The following SLITRK3 variants were observed in gnomAD, a reference collection of about 807,000 sequenced individuals.
The protein encoded by SLITRK3 is SLIT and NTRK-like protein 3.
Under a neutral mutation model 63.6 loss-of-function variants are expected in SLITRK3, and 16 were observed. That is an observed-to-expected ratio of 0.25 (90% confidence interval 0.17 to 0.38). The LOEUF (loss-of-function observed/expected upper bound fraction) is 0.38. Ranked by LOEUF, SLITRK3 falls within the 10% of genes least tolerant of loss-of-function variation. The pLI, the probability that SLITRK3 is intolerant of heterozygous loss-of-function variation, is 1.00. For missense variants in SLITRK3, 1,117 were observed against 1,181.4 expected (o/e 0.95, Z 0.80); for synonymous variants, 547 against 451.6 (o/e 1.21, Z -2.68).
At position 165,196,191 on chromosome 3, in the gene SLITRK3, G is replaced by A. The variant is rs1346925793; in HGVS notation, c.-633C>T. 1.3e-5 allele frequency among the ~76,000 whole-genome samples: 2 copies of A among 151,600 alleles called. No individual in the cohort carries two copies. The highest frequency in any genetic ancestry group is 2.4e-5 in the African/African-American group (1 of 41,244). On this transcript the variant is annotated 5_prime_UTR_variant, in exon 1 of 2. Coordinates refer to ENST00000475390, the MANE Select transcript of SLITRK3 (RefSeq NM_001318810.2). ...AGAAAAGGGTGGGGAGAGGCGGAAAGGAGGCAGGAAGGGGGCGACTAGATC... is the reference window on the plus strand; with the variant it reads ...AGAAAAGGGTGGGGAGAGGCGGAAAAGAGGCAGGAAGGGGGCGACTAGATC...
chr3:165,190,574 C>T lies in SLITRK3; in HGVS notation c.257G>A (p.Arg86Lys), dbSNP rs765379879. ...WSRPFKLYLQ[R>K]NSMRKLYTNS... is the part of the protein sequence containing the mutation. ...GGTATATAATTTCCTCATAGAATTC[C>T]TCTGCAGATACAGTTTAAAAGGTCT... is the stretch of plus-strand genomic sequence containing the variant. Residue 86 changes from arginine to lysine, a missense_variant, in exon 2 of 2, where the codon AGG becomes AAG. Around this residue, in one of 4 missense-constraint regions of SLITRK3, gnomAD observed 452 missense variants for 495.3 expected, o/e 0.91. Coordinates refer to ENST00000475390, the MANE Select transcript of SLITRK3 (RefSeq NM_001318810.2). 9.3e-6 allele frequency: 15 copies of T among 1,613,774 alleles called. No individual in the cohort carries two copies. The highest frequency in any genetic ancestry group is 3.3e-5 in the Admixed American group (2 of 59,992).
upstream of SLITRK3, chr3:165,196,649 CGCAGG>C (rs1718429079): frequency 6.6e-6 from 1 of 152,312 alleles, no homozygotes; most frequent in South Asian, 2.1e-4. Flanking sequence ...ATATAGGAAA[CGCAGG>C]GCTGGAACCT....
rs1414317249 is a variant in SLITRK3 at position 165,189,103 on chromosome 3, C to T, written c.1728G>A (p.Trp576Ter). 1 of 1,614,050 alleles carries T rather than the reference C, an allele frequency of 6.2e-7. No individual in the cohort carries two copies. The highest frequency in any genetic ancestry group is 1.3e-5 in the African/African-American group (1 of 74,918). ...CTCDLVPFKQWIETISSVSVV... is the reference protein window; with the variant it reads ...CTCDLVPFKQ ...CACTGACTGAGCTGATGGTTTCGAT[C>T]CACTGTTTAAAGGGGACCAGGTCAC... Residue 576 changes from tryptophan (W) to a stop codon, truncating the protein, a stop_gained, in exon 2 of 2, where the codon TGG becomes TGA. Coordinates refer to ENST00000475390, the MANE Select transcript of SLITRK3 (RefSeq NM_001318810.2). LOFTEE classifies it high-confidence loss of function. The surrounding 1 kb of genome is among the most constrained non-coding windows in gnomAD (Gnocchi z 4.0).
In SLITRK3 at chr3:165,196,243, G is replaced by A. The variant is rs749662402; in HGVS notation, c.-685C>T. On this transcript the variant is annotated 5_prime_UTR_variant, in exon 1 of 2. Coordinates refer to ENST00000475390, the MANE Select transcript of SLITRK3 (RefSeq NM_001318810.2). ...CAGATCCCAGCATTGGTCAGACGGC[G>A]AAGGTGGGGGGAAAGAAGGAGAGGG... 6.7e-6 allele frequency among the ~76,000 whole-genome samples: 1 copy of A among 148,598 alleles called. No homozygotes were observed. The highest frequency in any genetic ancestry group is 1.5e-5 in the Non-Finnish European group (1 of 67,180).
rs766649667 is a variant in SLITRK3 at position 165,188,874 on chromosome 3, G to C, written c.1957C>G (p.Leu653Val). ...AGCAGGCTGAGAATTAACACAGAAA[G>C]TGGCACAGGGCCCCCAGGAGGAGAA... ...EFSPPGGPVPLSVLILSLLVL... is the reference protein window; with the variant it reads ...EFSPPGGPVPVSVLILSLLVL... The change falls in exon 2 of 2, where the codon CTT becomes GTT. Residue 653 changes from leucine to valine, a missense_variant. Leu to Val is a conservative substitution (Grantham distance 32). Coordinates refer to ENST00000475390, the MANE Select transcript of SLITRK3 (RefSeq NM_001318810.2). 1 of 1,614,150 alleles carries C rather than the reference G, an allele frequency of 6.2e-7. No homozygotes were observed.
At position 165,193,866 on chromosome 3, in the gene SLITRK3, G is replaced by T. The variant is rs1018390836; in HGVS notation, c.-22+1714C>A. Among the ~76,000 whole-genome samples the T allele has an allele frequency of 2.6e-5, 4 of 152,224 alleles. 1 individual carries two copies. Among genetic ancestry groups the T allele is most frequent in the East Asian group, 3.9e-4 (2 of 5,174 alleles). ...TATTTCTCCGTGAAATTTTCGGGGA[G>T]TGAATCCTAGGGAGTAGTGGGAGTG... is the stretch of plus-strand genomic sequence containing the variant. On this transcript the variant is annotated intron_variant, in intron 1 of 1. Transcript: ENST00000475390.
Position 165,188,173 on chromosome 3 carries a change from A to G in SLITRK3, c.2658T>C (p.Asp886=). ...AGGGGGCAGGCTGTGGCCTCTCTCGATCTAGTAGCATACTGCCACTACCAC... is the reference window on the plus strand; with the variant it reads ...AGGGGGCAGGCTGTGGCCTCTCTCGGTCTAGTAGCATACTGCCACTACCAC... ...GGCGSGSMLL[D]RERPQPAPCT... Residue 886 remains aspartate, a synonymous_variant, in exon 2 of 2, where the codon GAT becomes GAC. Transcript: ENST00000475390. 1 of 1,613,632 alleles carries G rather than the reference A, an allele frequency of 6.2e-7. No individual in the cohort carries two copies. The highest frequency in any genetic ancestry group is 1.3e-5 in the African/African-American group (1 of 74,832).
At chr3:165,194,625 C>T (rs1016746489) in intron 1 of SLITRK3, among the ~76,000 whole-genome samples, 3 of 152,130 alleles carry the variant, frequency 2.0e-5, no homozygotes, top group African/African-American at 7.2e-5. Context: ...CCCTCCCCCC[C>T]ATCCCCCGCC....
intron 1 of SLITRK3, among the ~76,000 whole-genome samples, chr3:165,191,092 C>T (rs891918721): frequency 8.5e-5 from 13 of 152,148 alleles, no homozygotes; most frequent in African/African-American, 1.4e-4. Context: ...ACTTGGTAAA[C>T]GGCATATTGC....
At position 165,195,674 on chromosome 3, in the gene SLITRK3, A is replaced by G. The variant is rs546258348; in HGVS notation, c.-116T>C. The stretch of plus-strand genomic sequence containing the variant: ...TCTGCGAAGCTGAATTGTATCCATC[A>G]TACTGTAGCCTTGTAGCTTCTCCTC... On this transcript the variant is annotated 5_prime_UTR_variant, in exon 1 of 2. The change abolishes an upstream ATG in the 5' untranslated region. Transcript: ENST00000475390. 55 of 152,840 alleles carry G rather than the reference A, an allele frequency of 3.6e-4. No individual in the cohort carries two copies. Among genetic ancestry groups the G allele is most frequent in the African/African-American group, 1.3e-3 (52 of 41,578 alleles). The allele number at this position is 152,840 out of a possible 1,614,324, so 9.5% of individuals were successfully genotyped here.
At chr3:165,191,445 T>G (rs1369044515) in intron 1 of SLITRK3, among the ~76,000 whole-genome samples, 1 of 152,246 alleles carries the variant, frequency 6.6e-6, no homozygotes, top group Non-Finnish European at 1.5e-5. Context: ...ACTTAAGATT[T>G]ATTTTTATGA....
Position 165,189,487 on chromosome 3 carries a change from T to G in SLITRK3, c.1344A>C (p.Gln448His), listed in dbSNP as rs1399952921. The G allele has an allele frequency of 2.5e-6, 4 of 1,613,726 alleles. No individual in the cohort carries two copies. The highest frequency in any genetic ancestry group is 1.3e-5 in the African/African-American group (1 of 75,056). The part of the protein sequence containing the change: ...HLGNNRISYV[Q>H]DGAFINLPNL... Reference sequence around the variant, plus strand: ...TGGGCAAGTTGATAAAGGCCCCATCTTGGACATAGGAAATACGATTGTTCC... The same window carrying G: ...TGGGCAAGTTGATAAAGGCCCCATCGTGGACATAGGAAATACGATTGTTCC... Residue 448 changes from glutamine to histidine, a missense_variant, in exon 2 of 2, where the codon CAA becomes CAC. This residue lies in a region of SLITRK3 where 158 missense variants were observed against 197.2 expected (regional missense o/e 0.80). Coordinates refer to ENST00000475390, the MANE Select transcript of SLITRK3 (RefSeq NM_001318810.2). This position sits in a 1 kb window ranked among gnomAD's most constrained non-coding sequence, Gnocchi z 4.0.
rs760888163 is a variant in SLITRK3 at position 165,195,716 on chromosome 3, T to G, written c.-158A>C. 6.5e-6 allele frequency: 1 copy of G among 152,782 alleles called. No homozygotes were observed. Among genetic ancestry groups the G allele is most frequent in the Non-Finnish European group, 1.5e-5 (1 of 68,154 alleles). 9.5% of individuals were successfully genotyped at this position (152,782 alleles called of 1,614,324 possible). A position where few individuals can be genotyped will look rare whatever the true frequency, so the allele number is the denominator to read the frequency against. On this transcript the variant is annotated 5_prime_UTR_variant, in exon 1 of 2. Transcript: ENST00000475390. The stretch of plus-strand genomic sequence containing the variant: ...CTTCTCCTCTTCTGGCCACCAACTT[T>G]CCGAAAGGCTACCGAATCACGCTTG...
At position 165,190,546 on chromosome 3, in the gene SLITRK3, G is replaced by A. The variant is rs771554046; in HGVS notation, c.285C>T (p.Asn95=). Residue 95 remains asparagine, a synonymous_variant, in exon 2 of 2, where the codon AAC becomes AAT. Transcript: ENST00000475390. ...CAGCATTATTCAAATGAAGAAAACT[G>A]TTGGTATATAATTTCCTCATAGAAT... The part of the protein sequence containing the change: ...QRNSMRKLYT[N]SFLHLNNAVS... The A allele has an allele frequency of 1.9e-6, 3 of 1,613,842 alleles. No individual in the cohort carries two copies. The South Asian group carries it at 3.3e-5, about 18-fold the overall frequency.
At position 165,189,448 on chromosome 3, in the gene SLITRK3, G is replaced by T. The variant is rs1391943076; in HGVS notation, c.1383C>A (p.Leu461=). ...TCTCTATATCGTTGCCATTAAGGAA[G>T]AGGCTCTTTAAGTTGGGCAAGTTGA... ...AFINLPNLKS[L]FLNGNDIEKL... is the part of the protein sequence containing the mutation. The change falls in exon 2 of 2, where the codon CTC becomes CTA. Residue 461 remains leucine (L), a synonymous_variant. Transcript: ENST00000475390. The surrounding 1 kb of genome is among the most constrained non-coding windows in gnomAD (Gnocchi z 4.0). 6.2e-7 allele frequency: 1 copy of T among 1,613,104 alleles called. No homozygotes were observed. Among genetic ancestry groups the T allele is most frequent in the African/African-American group, 1.3e-5 (1 of 74,904 alleles).
chr3:165,191,819 AAG>A (rs1266823565), intron 1 of SLITRK3, among the ~76,000 whole-genome samples: 8 of 152,210 alleles, frequency 5.3e-5, no homozygotes, highest in Non-Finnish European at 1.2e-4. Flanking sequence ...AGTTAAAGTC[AAG>A]AGAGAGTGGA....
At chr3:165,192,387 T>G (rs890600339) in intron 1 of SLITRK3, among the ~76,000 whole-genome samples, 3 of 152,158 alleles carry the variant, frequency 2.0e-5, no homozygotes, top group African/African-American at 7.2e-5. Context: ...ATCTCCCTTA[T>G]GAAATATTAA....
intron 1 of SLITRK3, among the ~76,000 whole-genome samples, chr3:165,191,898 C>G (rs1037860216): frequency 6.6e-6 from 1 of 152,172 alleles, no homozygotes; most frequent in Admixed American, 6.5e-5. Flanking sequence ...AGATATCATT[C>G]TTTTCCAATC....
intron 1 of SLITRK3, among the ~76,000 whole-genome samples, 159 bp downstream of exon 1, chr3:165,195,421 A>C (rs1405450195): frequency 6.6e-6 from 1 of 152,086 alleles, no homozygotes; most frequent in East Asian, 1.9e-4. Context: ...CAACGTCCTT[A>C]CACCTAACTG....
Sources: gnomAD v4.1 joint callset for allele counts (sites outside exome capture counted in the v4.1 genomes callset) on GRCh38, gnomAD v4.1.1 for gene constraint, gnomAD v4.1.1 regional missense constraint, Gnocchi (gnomAD v3.1) non-coding constraint, MANE v1.5 for transcripts, NCBI Gene and HGNC (gene_info 2026-07-23, HGNC 2026-07-21) for gene names.